The following VAV2 variants were observed in gnomAD, a reference collection of about 807,000 sequenced individuals.
VAV2 encodes vav guanine nucleotide exchange factor 2.
VAV2 carries 67 observed loss-of-function variants against 132.5 expected under a neutral mutation model. That is an observed-to-expected ratio of 0.51 (90% confidence interval 0.42 to 0.62). VAV2 has a LOEUF of 0.62. Ranked by LOEUF, VAV2 falls within the 20% of genes least tolerant of loss-of-function variation. The pLI is 0.00. For missense variants in VAV2, 938 were observed against 1,153.6 expected (o/e 0.81, Z 2.71); for synonymous variants, 492 against 443.5 (o/e 1.11, Z -1.37).
chr9:133,932,098 C>A, intron 2 of VAV2, among the ~76,000 whole-genome samples: 1 of 152,188 alleles, frequency 6.6e-6, no homozygotes, highest in East Asian at 1.9e-4. Context: ...CCACAGAAAC[C>A]CCGCAGCCTC....
chr9:133,834,230 C>T lies in VAV2; in HGVS notation c.449+42G>A. The T allele has an allele frequency of 6.3e-7, 1 of 1,578,764 alleles. No homozygotes were observed. The highest frequency in any genetic ancestry group is 8.6e-7 in the Non-Finnish European group (1 of 1,160,004). Reference sequence around the variant, plus strand: ...TGGACACCACCAGGAACCTCCCTGCCCCTCCCTCCTCTCCATCCCTCCTCC... The same window carrying T: ...TGGACACCACCAGGAACCTCCCTGCTCCTCCCTCCTCTCCATCCCTCCTCC... On this transcript the variant is annotated intron_variant, in intron 4 of 29. Transcript: ENST00000371850. The surrounding 1 kb of genome is among the most constrained non-coding windows in gnomAD (Gnocchi z 5.9).
chr9:133,851,832 GATGCACAA>G (rs1837188115), intron 3 of VAV2, among the ~76,000 whole-genome samples: 2 of 150,436 alleles, frequency 1.3e-5, no homozygotes, highest in African/African-American at 4.9e-5. Flanking sequence ...TGGATGGATG[GATGCACAA>G]ATGGGTGGAT....
intron 2 of VAV2, among the ~76,000 whole-genome samples, chr9:133,890,878 G>A (rs1303607346): frequency 6.6e-6 from 1 of 152,058 alleles, no homozygotes; most frequent in Non-Finnish European, 1.5e-5. Context: ...CTGGGATGTG[G>A]GCACTACGGA....
Position 133,884,308 on chromosome 9 carries a change from C to T in VAV2, c.322-22876G>A, listed in dbSNP as rs756824836. 3.3e-5 allele frequency among the ~76,000 whole-genome samples: 5 copies of T among 152,222 alleles called. No individual in the cohort carries two copies. Among genetic ancestry groups the T allele is most frequent in the Admixed American group, 6.5e-5 (1 of 15,284 alleles). The stretch of plus-strand genomic sequence containing the variant: ...ATGTGATCATTACCCACCACCACCA[C>T]GCGTCCTGCCTCCCAGCTGGACCCC... On this transcript the variant is annotated intron_variant, in intron 2 of 29. Coordinates refer to ENST00000371850, the MANE Select transcript of VAV2 (RefSeq NM_001134398.2). The surrounding 1 kb of genome is among the most constrained non-coding windows in gnomAD (Gnocchi z 5.3).
intron 2 of VAV2, among the ~76,000 whole-genome samples, chr9:133,872,825 G>A (rs1243569056): frequency 6.6e-6 from 1 of 152,104 alleles, no homozygotes; most frequent in Non-Finnish European, 1.5e-5. Flanking sequence ...TGGGTGGACA[G>A]AAAAGCACAC....
intron 9 of VAV2, among the ~76,000 whole-genome samples, chr9:133,801,015 G>C (rs1005089960): frequency 6.6e-6 from 1 of 152,196 alleles, no homozygotes; most frequent in Admixed American, 6.5e-5. Context: ...AGACTGCCCC[G>C]GGTGACCCCC....
intron 2 of VAV2, among the ~76,000 whole-genome samples, chr9:133,871,302 G>C (rs930205980): frequency 6.6e-6 from 1 of 151,576 alleles, no homozygotes; most frequent in Non-Finnish European, 1.5e-5. Context: ...ATAAGTGGGT[G>C]GGTGGATGGA....
intron 1 of VAV2, among the ~76,000 whole-genome samples, chr9:133,942,367 C>A (rs1347411440): frequency 1.3e-5 from 2 of 152,316 alleles, no homozygotes; most frequent in Admixed American, 6.5e-5. Flanking sequence ...CTGCCACACA[C>A]AATTGATTCA....
chr9:133,772,080 T>TGAGGGCCACACGGCCCCGGCGGTCACCGC, intron 25 of VAV2, 34 bp from the exon 26 acceptor site: 1 of 1,593,602 alleles, frequency 6.3e-7, no homozygotes, highest in Non-Finnish European at 8.6e-7. Flanking sequence ...GGTCACCGCG[T>TGAGGGCCACACGGCCCCGGCGGTCACCGC]GAGGGCCACA....
intron 2 of VAV2, among the ~76,000 whole-genome samples, chr9:133,880,972 C>CTG (rs1838469012): frequency 6.6e-6 from 1 of 152,202 alleles, no homozygotes; most frequent in Admixed American, 6.5e-5. Flanking sequence ...GTGGCTACAG[C>CTG]ACAGTCCCCC....
At chr9:133,905,846 G>A (rs1311558827) in intron 2 of VAV2, among the ~76,000 whole-genome samples, 2 of 149,298 alleles carry the variant, frequency 1.3e-5, no homozygotes. Context: ...AGACCAGCCT[G>A]GGTAACGTGG....
In VAV2 at chr9:133,977,428, G is replaced by T. The variant is rs149004565; in HGVS notation, c.204+14647C>A. Among the ~76,000 whole-genome samples, 222 of 152,316 alleles carry T rather than the reference G, an allele frequency of 1.5e-3. 2 individuals are homozygous for T. Among genetic ancestry groups the T allele is most frequent in the African/African-American group, 5.2e-3 (217 of 41,560 alleles). ...GGGTCTCAGGATGCGGCGCTCATGA[G>T]CATGAAGGACTAGAACCTTCCGCCA... On this transcript the variant is annotated intron_variant, in intron 1 of 29. Coordinates refer to ENST00000371850, the MANE Select transcript of VAV2 (RefSeq NM_001134398.2).
At chr9:133,948,810 C>T (rs1194752910) in intron 1 of VAV2, among the ~76,000 whole-genome samples, 1 of 152,230 alleles carries the variant, frequency 6.6e-6, no homozygotes, top group Non-Finnish European at 1.5e-5. Context: ...ATCCTGCTAA[C>T]GAGCTGTCAC....
At chr9:133,983,533 A>G (rs1417331513) in intron 1 of VAV2, among the ~76,000 whole-genome samples, 1 of 152,088 alleles carries the variant, frequency 6.6e-6, no homozygotes, top group Non-Finnish European at 1.5e-5. Context: ...GCAGGCAGAC[A>G]CGGGTCACTC....
At chr9:133,799,326 T>A (rs1399893117) in intron 9 of VAV2, among the ~76,000 whole-genome samples, 4 of 152,152 alleles carry the variant, frequency 2.6e-5, no homozygotes, top group Admixed American at 2.0e-4. Flanking sequence ...CCTGACACCC[T>A]CCCAGCGCTG....
intron 2 of VAV2, among the ~76,000 whole-genome samples, chr9:133,936,463 G>A (rs188863203): frequency 2.4e-4 from 37 of 152,066 alleles, no homozygotes; most frequent in African/African-American, 8.0e-4. Flanking sequence ...GACTGGTTTC[G>A]AACTCCTAAC....
intron 2 of VAV2, among the ~76,000 whole-genome samples, chr9:133,938,415 C>A (rs559382760): frequency 1.3e-5 from 2 of 152,286 alleles, no homozygotes; most frequent in South Asian, 4.1e-4. Context: ...CCCTCTGTAC[C>A]CAGGCTCACC....
intron 2 of VAV2, among the ~76,000 whole-genome samples, chr9:133,869,737 C>T (rs550734730): frequency 6.6e-6 from 1 of 152,366 alleles, no homozygotes; most frequent in East Asian, 1.9e-4. Flanking sequence ...GGCCCCGACC[C>T]TCCGACTGTC....
Position 133,788,228 on chromosome 9 carries a change from CCCAA to C in VAV2, c.1407+122_1407+125del. On this transcript the variant is annotated intron_variant, in intron 15 of 29. Coordinates refer to ENST00000371850, the MANE Select transcript of VAV2 (RefSeq NM_001134398.2). The surrounding 1 kb of genome is among the most constrained non-coding windows in gnomAD (Gnocchi z 5.3). ...CTTCCTGCAGAGCGGAGACGCCCACCCCAACCCACCCGGCCAGCATCAGCGGCTG... is the reference window on the plus strand; with the variant it reads ...CTTCCTGCAGAGCGGAGACGCCCACCCCCACCCGGCCAGCATCAGCGGCTG... 1 of 751,026 alleles carries C rather than the reference CCCAA, an allele frequency of 1.3e-6. No homozygotes were observed. Among genetic ancestry groups the C allele is most frequent in the Non-Finnish European group, 2.1e-6 (1 of 468,052 alleles). 46.5% of individuals were successfully genotyped at this position (751,026 alleles called of 1,614,324 possible). A position where few individuals can be genotyped will look rare whatever the true frequency, so the allele number is the denominator to read the frequency against.
Sources: gnomAD v4.1 joint callset for allele counts (sites outside exome capture counted in the v4.1 genomes callset) on GRCh38, gnomAD v4.1.1 for gene constraint, Gnocchi (gnomAD v3.1) non-coding constraint, MANE v1.5 for transcripts, NCBI Gene and HGNC (gene_info 2026-07-23, HGNC 2026-07-21) for gene names.